CLDN2: variants seen among roughly 807,000 people sequenced by gnomAD.
CLDN2 encodes the protein claudin-2.
CLDN2 carries 1 observed loss-of-function variant against 8.2 expected under a neutral mutation model. The observed-to-expected ratio is 0.12, with a 90% confidence interval of 0.04 to 0.58. CLDN2 has a LOEUF of 0.58. CLDN2 is among the 20% of genes least tolerant of loss of function. The pLI, the probability that CLDN2 is intolerant of heterozygous loss-of-function variation, is 0.90. For missense variants in CLDN2, 108 were observed against 172.9 expected, an observed-to-expected ratio of 0.62 and a Z score of 2.11; for synonymous variants, 70 against 70.2, an observed-to-expected ratio of 1.00 and a Z score of 0.01.
At chrX:106,910,244 C>A (rs922278984) in intron 1 of CLDN2, among the ~76,000 whole-genome samples, 1 of 111,507 alleles carries the variant, frequency 9.0e-6, no homozygotes, top group Non-Finnish European at 1.9e-5. Flanking sequence ...AGCTATCTTC[C>A]TGGGATGTGG....
chrX:106,927,310 C>T (rs954158013), intron 1 of CLDN2, among the ~76,000 whole-genome samples: 2 of 111,294 alleles, frequency 1.8e-5, no homozygotes, highest in African/African-American at 6.5e-5. Flanking sequence ...CTTGTCCCCC[C>T]TAACAGATGG....
At chrX:106,917,255 G>A (rs1933322976), upstream of CLDN2, among the ~76,000 whole-genome samples, 1 of 112,349 alleles carries the variant, frequency 8.9e-6, no homozygotes, top group Admixed American at 9.4e-5. Flanking sequence ...CCTGAGAAGT[G>A]CCCATATTTA....
intron 1 of CLDN2, among the ~76,000 whole-genome samples, chrX:106,923,964 T>C (rs1933431110): frequency 9.0e-6 from 1 of 111,272 alleles, no homozygotes; most frequent in South Asian, 3.8e-4. Flanking sequence ...GAGGAACTTA[T>C]AAGGGAAAAC....
upstream of CLDN2, among the ~76,000 whole-genome samples, chrX:106,915,474 A>C (rs1320289877): frequency 8.9e-6 from 1 of 112,238 alleles, no homozygotes; most frequent in Admixed American, 9.4e-5. Context: ...AAATACTACC[A>C]CCTCTTATTT....
Position 106,928,997 on chromosome X carries a change from GGGACACTA to G in CLDN2, c.*77_*84del. On this transcript the variant is annotated 3_prime_UTR_variant, in exon 2 of 2. Transcript: ENST00000336803. ...ACAGCACCCCGAGGGCCACAGGTGA[GGGACACTA>G]CCACTGGATCGTGTCAGAAGGTGCT... 1.2e-6 allele frequency: 1 copy of G among 862,620 alleles called. No homozygotes were observed. The highest frequency in any genetic ancestry group is 2.4e-5 in the South Asian group (1 of 41,946). 71.1% of individuals were successfully genotyped at this position (862,620 alleles called of 1,213,427 possible). A position where few individuals can be genotyped will look rare whatever the true frequency, so the allele number is the denominator to read the frequency against.
intron 1 of CLDN2, among the ~76,000 whole-genome samples, chrX:106,909,466 C>T (rs1398148619): frequency 9.0e-6 from 1 of 111,441 alleles, no homozygotes; most frequent in Non-Finnish European, 1.9e-5. Flanking sequence ...TTGAAATTTC[C>T]AGCAACAAGT....
intron 1 of CLDN2, 103 bp from the exon 2 acceptor site, chrX:106,927,947 AT>A: frequency 5.4e-6 from 1 of 185,241 alleles, no homozygotes; most frequent in Non-Finnish European, 9.0e-6. Flanking sequence ...TTCCTTTCTC[AT>A]GTGTTATTTC....
intron 1 of CLDN2, among the ~76,000 whole-genome samples, chrX:106,911,495 C>T (rs969271503): frequency 9.0e-6 from 1 of 111,154 alleles, no homozygotes; most frequent in Non-Finnish European, 1.9e-5. Context: ...CCCCCAAACC[C>T]CTGCCAAGAC....
chrX:106,917,921 G>C (rs1192179065), upstream of CLDN2, among the ~76,000 whole-genome samples: 5 of 111,146 alleles, frequency 4.5e-5, no homozygotes, highest in East Asian at 1.4e-3. Context: ...GAACCTCCTA[G>C]GCTCAACACT....
In CLDN2 at chrX:106,908,544, AT is replaced by A. The variant is rs957896547; in HGVS notation, c.-179+8048del. Among the ~76,000 whole-genome samples, 402 of 92,741 alleles carry A rather than the reference AT, an allele frequency of 4.3e-3. 2 individuals carry two copies. The highest frequency in any genetic ancestry group is 0.015 in the African/African-American group (368 of 25,296). The allele number at this position is 92,741 out of a possible 115,157, so 80.5% of individuals were successfully genotyped here. A position where few individuals can be genotyped will look rare whatever the true frequency, so the allele number is the denominator to read the frequency against. On this transcript the variant is annotated intron_variant, in intron 1 of 1. Transcript: ENST00000541806. Reference sequence around the variant, plus strand: ...CTCAGGGTCATTCTTGGGACAGTGTATTTTTTTTCTTTCTTTTCTTTTCTTT... The same window carrying A: ...CTCAGGGTCATTCTTGGGACAGTGTATTTTTTTCTTTCTTTTCTTTTCTTT...
At chrX:106,926,182 A>C (rs984014415) in intron 1 of CLDN2, among the ~76,000 whole-genome samples, 21 of 112,073 alleles carry the variant, frequency 1.9e-4, no homozygotes, top group Middle Eastern at 4.2e-3. Context: ...GTCTGGCACA[A>C]GTGGATGGAT....
At chrX:106,926,585 G>T (rs181903664) in intron 1 of CLDN2, among the ~76,000 whole-genome samples, 7 of 110,473 alleles carry the variant, frequency 6.3e-5, no homozygotes, top group African/African-American at 2.3e-4. Flanking sequence ...GGGTTAGTTC[G>T]GGCACGGTGG....
At chrX:106,906,000 T>C (rs776449044) in intron 1 of CLDN2, among the ~76,000 whole-genome samples, 1 of 112,320 alleles carries the variant, frequency 8.9e-6, no homozygotes, top group South Asian at 3.8e-4. Flanking sequence ...CAGCCTCATT[T>C]AGCTTGTGGG....
At chrX:106,901,046 TTTTGTAACAGAACCTTCTGCA>T (rs1933085308) in intron 1 of CLDN2, 5 of 1,006,402 alleles carry the variant, frequency 5.0e-6, no homozygotes. Context: ...AGAAAGAAAG[TTTTGTAACAGAACCTTCTGCA>T]TTGTTACAAA....
At chrX:106,905,431 G>T (rs1413346153) in intron 1 of CLDN2, among the ~76,000 whole-genome samples, 1 of 112,138 alleles carries the variant, frequency 8.9e-6, no homozygotes, top group Non-Finnish European at 1.9e-5. Flanking sequence ...AAATCTTGTG[G>T]GGAAAGAGAG....
Position 106,928,959 on chromosome X carries a change from T to C in CLDN2, c.*38T>C. 1 of 1,107,224 alleles carries C rather than the reference T, an allele frequency of 9.0e-7. No homozygotes were observed. The allele number at this position is 1,107,224 out of a possible 1,213,427, so 91.2% of individuals were successfully genotyped here. The stretch of plus-strand genomic sequence containing the variant: ...CAGAGCTGGGGGGTGGCTGGGTCTG[T>C]GAAAAACAGTGGACAGCACCCCGAG... On this transcript the variant is annotated 3_prime_UTR_variant, in exon 2 of 2. Coordinates refer to ENST00000336803, the MANE Select transcript of CLDN2 (RefSeq NM_020384.4).
At chrX:106,922,245 AC>A (rs1057236091) in intron 1 of CLDN2, among the ~76,000 whole-genome samples, 2 of 111,872 alleles carry the variant, frequency 1.8e-5, no homozygotes, top group African/African-American at 6.5e-5. Flanking sequence ...GGAAAGCTGA[AC>A]CCCCCCTCCA....
upstream of CLDN2, chrX:106,918,268 TCA>T (rs1933341688): frequency 9.0e-6 from 1 of 111,731 alleles, no homozygotes; most frequent in African/African-American, 3.3e-5. Context: ...TTGCCTGAGG[TCA>T]CATAGTTGGT....
At chrX:106,907,515 A>G in intron 1 of CLDN2, among the ~76,000 whole-genome samples, 1 of 110,954 alleles carries the variant, frequency 9.0e-6, no homozygotes, top group African/African-American at 3.3e-5. Flanking sequence ...AGCCTGGCCA[A>G]CATGGCAAAA....
Sources: gnomAD v4.1 joint callset for allele counts (sites outside exome capture counted in the v4.1 genomes callset) on GRCh38, gnomAD v4.1.1 for gene constraint, MANE v1.5 for transcripts, NCBI Gene and HGNC (gene_info 2026-07-23, HGNC 2026-07-21) for gene names.